The following TENM3 variants were observed in gnomAD, a reference collection of about 807,000 sequenced individuals.
The protein encoded by TENM3 is teneurin-3.
Under a neutral mutation model 255.1 loss-of-function variants are expected in TENM3, and 63 were observed. That is an observed-to-expected ratio of 0.25 (90% confidence interval 0.20 to 0.30). The LOEUF (loss-of-function observed/expected upper bound fraction) is 0.30. TENM3 is among the 10% of genes least tolerant of loss of function. The probability of loss-of-function intolerance (pLI) is 1.00; values close to 1 mark genes in which losing one functional copy is unlikely to be tolerated. For synonymous variants in TENM3, 1,306 were observed against 1,322.3 expected, an observed-to-expected ratio of 0.99 and a Z score of 0.27; for missense variants, 2,929 against 3,461.1, an observed-to-expected ratio of 0.85 and a Z score of 3.86.
At chr4:182,129,802 A>G in the TENM3 span, among the ~76,000 whole-genome samples, 1 of 152,180 alleles carries the variant, frequency 6.6e-6, no homozygotes, top group South Asian at 2.1e-4. Context: ...GTGTTTTAAA[A>G]GCATCTTCCT....
intron 24 of TENM3, among the ~76,000 whole-genome samples, chr4:182,784,672 T>G (rs1026428545): frequency 6.6e-6 from 1 of 151,070 alleles, no homozygotes; most frequent in African/African-American, 2.4e-5. Flanking sequence ...GCCTTGCAGT[T>G]TGATCTCAGA....
the TENM3 span, among the ~76,000 whole-genome samples, chr4:181,956,924 T>C: frequency 6.6e-6 from 1 of 152,320 alleles, no homozygotes; most frequent in South Asian, 2.1e-4. Flanking sequence ...TAAGGAGAGC[T>C]ACTGCCCTAG....
At chr4:181,733,816 G>A in the TENM3 span, among the ~76,000 whole-genome samples, 5 of 152,174 alleles carry the variant, frequency 3.3e-5, no homozygotes, top group Non-Finnish European at 7.3e-5. Flanking sequence ...CACTTGGATT[G>A]TACTTGAATA....
chr4:181,590,269 G>A, the TENM3 span, among the ~76,000 whole-genome samples: 1 of 152,096 alleles, frequency 6.6e-6, no homozygotes, highest in African/African-American at 2.4e-5. Context: ...CAGGCTCCTG[G>A]GAAAAAGCAT....
the TENM3 span, among the ~76,000 whole-genome samples, chr4:181,973,001 G>A: frequency 6.6e-6 from 1 of 152,246 alleles, no homozygotes; most frequent in Non-Finnish European, 1.5e-5. Flanking sequence ...CCATTAATAG[G>A]CCAAGTGGAG....
At chr4:181,484,506 C>T in the TENM3 span, among the ~76,000 whole-genome samples, 31,160 of 151,910 alleles carry the variant, frequency 0.21, 3,349 homozygotes, top group Middle Eastern at 0.24. Flanking sequence ...TTACATGCTG[C>T]GGTTAGATTG....
chr4:182,667,765 ATCACACACCGGGG>A (rs142208399), intron 6 of TENM3, among the ~76,000 whole-genome samples: 35,430 of 149,994 alleles, frequency 0.24, 4,489 homozygotes, highest in East Asian at 0.39. Flanking sequence ...GAAGGGGAAC[ATCACACACCGGGG>A]TCACACACCG....
At chr4:182,240,346 G>C (rs973138219), upstream of TENM3, among the ~76,000 whole-genome samples, 1 of 152,102 alleles carries the variant, frequency 6.6e-6, no homozygotes, top group Non-Finnish European at 1.5e-5. Context: ...ACGTTCCTAC[G>C]AGAGACACAG....
chr4:182,696,448 C>T (rs867957631), intron 12 of TENM3, among the ~76,000 whole-genome samples: 1 of 152,056 alleles, frequency 6.6e-6, no homozygotes, highest in Non-Finnish European at 1.5e-5. Flanking sequence ...GATATGGGGC[C>T]GGGCACAGTG....
chr4:182,233,589 G>A (rs1756712078), intron 1 of TENM3, among the ~76,000 whole-genome samples: 1 of 152,192 alleles, frequency 6.6e-6, no homozygotes, highest in African/African-American at 2.4e-5. Flanking sequence ...AAAATTCACA[G>A]AAGTTTGGAT....
the TENM3 span, among the ~76,000 whole-genome samples, chr4:181,646,422 G>C: frequency 2.0e-5 from 3 of 152,116 alleles, no homozygotes; most frequent in African/African-American, 4.8e-5. Flanking sequence ...CAAGAGGAAG[G>C]TGTTTTGACA....
intron 3 of TENM3, among the ~76,000 whole-genome samples, chr4:182,408,601 G>A (rs1580441789): frequency 1.3e-5 from 2 of 152,086 alleles, no homozygotes; most frequent in East Asian, 3.9e-4. Flanking sequence ...AGCTATGGTT[G>A]GTTAACATCA....
At chr4:182,422,650 T>G (rs1442113470) in intron 3 of TENM3, among the ~76,000 whole-genome samples, 1 of 152,208 alleles carries the variant, frequency 6.6e-6, no homozygotes, top group Non-Finnish European at 1.5e-5. Context: ...AGAATCGACT[T>G]GTCATTCAAT....
At chr4:181,756,311 C>T in the TENM3 span, among the ~76,000 whole-genome samples, 583 of 152,256 alleles carry the variant, frequency 3.8e-3, 3 homozygotes, top group African/African-American at 0.013. Flanking sequence ...CTTAGACAGC[C>T]TTCATTTCAT....
the TENM3 span, among the ~76,000 whole-genome samples, chr4:181,490,547 T>C: frequency 3.9e-5 from 6 of 152,342 alleles, no homozygotes; most frequent in East Asian, 1.2e-3. Flanking sequence ...ACCGGACTAA[T>C]TGCCCTAATC....
the TENM3 span, among the ~76,000 whole-genome samples, chr4:181,533,130 C>A: frequency 6.6e-6 from 1 of 152,094 alleles, no homozygotes; most frequent in Non-Finnish European, 1.5e-5. Context: ...ATTATTAGGG[C>A]AGGACCGGGA....
At chr4:182,374,825 A>T (rs1580338268) in intron 3 of TENM3, among the ~76,000 whole-genome samples, 1 of 152,318 alleles carries the variant, frequency 6.6e-6, no homozygotes, top group African/African-American at 2.4e-5. Context: ...ACAGGACAGA[A>T]GTTGCATCAA....
intron 5 of TENM3, among the ~76,000 whole-genome samples, chr4:182,653,235 C>T (rs1753477046): frequency 6.6e-6 from 1 of 152,118 alleles, no homozygotes; most frequent in South Asian, 2.1e-4. Flanking sequence ...TCAAAAATTA[C>T]TCATCCCAAA....
the TENM3 span, among the ~76,000 whole-genome samples, chr4:182,004,213 G>C: frequency 6.6e-6 from 1 of 151,768 alleles, no homozygotes; most frequent in Non-Finnish European, 1.5e-5. Context: ...AATTTCCCTC[G>C]CCTCACCCCC....
Sources: gnomAD v4.1 joint callset for allele counts (sites outside exome capture counted in the v4.1 genomes callset) on GRCh38, gnomAD v4.1.1 for gene constraint, MANE v1.5 for transcripts, NCBI Gene and HGNC (gene_info 2026-07-23, HGNC 2026-07-21) for gene names.